The following CSMD1 variants were observed in gnomAD, a reference collection of about 807,000 sequenced individuals.
CSMD1 encodes the protein CUB and Sushi multiple domains 1.
Under a neutral mutation model 417.5 loss-of-function variants are expected in CSMD1, and 213 were observed. That is an observed-to-expected ratio of 0.51 (90% CI 0.46 to 0.57). The LOEUF (loss-of-function observed/expected upper bound fraction) is 0.57, where lower values mean the gene tolerates loss of function less well. Among genes scored for constraint, CSMD1 ranks in the 20% least tolerant of loss-of-function variants. The probability of loss-of-function intolerance (pLI) is 0.00; values close to 1 mark genes in which losing one functional copy is unlikely to be tolerated. For synonymous variants in CSMD1, 2,862 were observed against 1,736.8 expected (o/e 1.65, Z -16.11); for missense variants, 6,923 against 4,529.7 (o/e 1.53, Z -15.17).
At chr8:4,815,490 G>T (rs547137756) in intron 1 of CSMD1, among the ~76,000 whole-genome samples, 83 of 152,034 alleles carry the variant, frequency 5.5e-4, no homozygotes, top group African/African-American at 1.9e-3. Flanking sequence ...GAGGTCAGGA[G>T]ATCGAGACCA....
At chr8:4,241,999 T>C (rs1383295074) in intron 3 of CSMD1, among the ~76,000 whole-genome samples, 1 of 152,220 alleles carries the variant, frequency 6.6e-6, no homozygotes. Context: ...TTAAAGTAAA[T>C]GAGACCAATT....
intron 3 of CSMD1, among the ~76,000 whole-genome samples, chr8:4,150,819 G>T (rs549633083): frequency 6.6e-6 from 1 of 152,066 alleles, no homozygotes; most frequent in Non-Finnish European, 1.5e-5. Context: ...GTTGGGAGAA[G>T]ACAGGGAGGG....
chr8:3,312,150 C>T (rs1174569954), intron 23 of CSMD1, among the ~76,000 whole-genome samples: 3 of 152,140 alleles, frequency 2.0e-5, no homozygotes, highest in East Asian at 1.9e-4. Flanking sequence ...GTCTACTAAA[C>T]TTTACTTGGG....
At chr8:3,336,962 T>C (rs1249700297) in intron 23 of CSMD1, among the ~76,000 whole-genome samples, 1 of 152,176 alleles carries the variant, frequency 6.6e-6, no homozygotes, top group Non-Finnish European at 1.5e-5. Flanking sequence ...TCTAGGAGAC[T>C]GACCTTATGC....
chr8:4,308,430 A>C (rs1358454728), intron 3 of CSMD1, among the ~76,000 whole-genome samples: 1 of 151,952 alleles, frequency 6.6e-6, no homozygotes, highest in Non-Finnish European at 1.5e-5. Context: ...GGAAAGTCTG[A>C]TGATGGGAAA....
intron 5 of CSMD1, among the ~76,000 whole-genome samples, chr8:3,981,426 C>G (rs1459669167): frequency 2.7e-5 from 4 of 147,570 alleles, no homozygotes; most frequent in East Asian, 4.0e-4. Context: ...GCACCAGGAT[C>G]TCACAAATCA....
At chr8:4,675,222 T>C (rs1280996946) in intron 1 of CSMD1, among the ~76,000 whole-genome samples, 1 of 152,228 alleles carries the variant, frequency 6.6e-6, no homozygotes, top group Non-Finnish European at 1.5e-5. Flanking sequence ...CTTTTTCCAA[T>C]ACTTATACAC....
At chr8:4,396,147 A>G (rs1243690608) in intron 3 of CSMD1, among the ~76,000 whole-genome samples, 1 of 152,174 alleles carries the variant, frequency 6.6e-6, no homozygotes, top group African/African-American at 2.4e-5. Flanking sequence ...TGCTAAATAT[A>G]GAAGTAATTA....
chr8:3,386,900 T>C (rs779530800), intron 18 of CSMD1, among the ~76,000 whole-genome samples: 11 of 152,202 alleles, frequency 7.2e-5, no homozygotes, highest in Non-Finnish European at 1.0e-4. Context: ...ACACACAGCA[T>C]AGTATAACGT....
Position 3,199,708 on chromosome 8 carries a change from G to A in CSMD1, c.5194+6C>T, listed in dbSNP as rs187732904. ...GACATGTGGAGACATGTGGAGTGAC[G>A]CTTACCTTGATACACGAAGTGGAAG... On this transcript the variant is annotated splice_donor_region_variant and intron_variant, in intron 33 of 69. Transcript: ENST00000635120. 464 of 1,570,468 alleles carry A rather than the reference G, an allele frequency of 3.0e-4. 6 individuals carry two copies. Among genetic ancestry groups the A allele is most frequent in the South Asian group, 2.9e-3 (245 of 85,504 alleles).
At position 3,354,876 on chromosome 8, in the gene CSMD1, T is replaced by TATCTATAGATATCTATATCTATAGATCG. The variant is rs1563303904; in HGVS notation, c.3304+4275_3304+4276insCGATCTATAGATATAGATATCTATAGAT. Among the ~76,000 whole-genome samples, 395 of 143,446 alleles carry TATCTATAGATATCTATATCTATAGATCG rather than the reference T, an allele frequency of 2.8e-3. 9 individuals carry two copies. Among genetic ancestry groups the TATCTATAGATATCTATATCTATAGATCG allele is most frequent in the African/African-American group, 1.0e-2 (360 of 36,030 alleles). 94.1% of individuals were successfully genotyped at this position (143,446 alleles called of 152,430 possible). On this transcript the variant is annotated intron_variant, in intron 21 of 69. Coordinates refer to ENST00000635120, the MANE Select transcript of CSMD1 (RefSeq NM_033225.6). ...CTCTCCCTATATATAGATATACATA[T>TATCTATAGATATCTATATCTATAGATCG]ATCTATAGATATGTCTATCTATAGA...
At chr8:3,736,351 C>G (rs770666662) in intron 6 of CSMD1, among the ~76,000 whole-genome samples, 5 of 151,976 alleles carry the variant, frequency 3.3e-5, no homozygotes, top group Non-Finnish European at 7.4e-5. Flanking sequence ...AGGTGATTCT[C>G]CTACCTCAGC....
At chr8:3,591,738 A>T (rs1001562765) in intron 8 of CSMD1, among the ~76,000 whole-genome samples, 2 of 151,740 alleles carry the variant, frequency 1.3e-5, no homozygotes, top group Admixed American at 1.3e-4. Flanking sequence ...TGACAGATAC[A>T]CAGATAAACG....
intron 11 of CSMD1, among the ~76,000 whole-genome samples, chr8:3,478,584 C>T (rs896823711): frequency 2.0e-5 from 3 of 152,228 alleles, no homozygotes; most frequent in South Asian, 4.1e-4. Context: ...GACTTGTGGC[C>T]GATCACAAAC....
At chr8:3,551,790 G>C (rs571111764) in intron 10 of CSMD1, among the ~76,000 whole-genome samples, 1 of 152,062 alleles carries the variant, frequency 6.6e-6, no homozygotes, top group Non-Finnish European at 1.5e-5. Flanking sequence ...TCTGTAATGT[G>C]ATCATGCTGA....
intron 1 of CSMD1, among the ~76,000 whole-genome samples, chr8:4,907,191 C>A (rs1805341673): frequency 6.6e-6 from 1 of 152,132 alleles, no homozygotes; most frequent in African/African-American, 2.4e-5. Context: ...TCTATTTTTT[C>A]CACAACTTTT....
chr8:3,790,163 A>C (rs893005184), intron 5 of CSMD1, among the ~76,000 whole-genome samples: 1 of 152,266 alleles, frequency 6.6e-6, no homozygotes, highest in African/African-American at 2.4e-5. Flanking sequence ...GCCGTTTTAT[A>C]ATTTCAAATA....
At chr8:3,982,616 AG>A (rs749996495) in intron 5 of CSMD1, among the ~76,000 whole-genome samples, 4 of 107,396 alleles carry the variant, frequency 3.7e-5, no homozygotes, top group Non-Finnish European at 8.4e-5. Flanking sequence ...CTGCTGAGAG[AG>A]AAAAAAAAAA....
At chr8:3,542,943 G>GA (rs200990959) in intron 10 of CSMD1, among the ~76,000 whole-genome samples, 7,145 of 152,214 alleles carry the variant, frequency 0.047, 487 homozygotes, top group African/African-American at 0.15. Context: ...GAGACTTGGG[G>GA]GACCCGCTGG....
Sources: allele counts gnomAD v4.1 joint callset (sites outside exome capture counted in the v4.1 genomes callset), GRCh38; gene constraint gnomAD v4.1.1; transcripts MANE v1.5; gene names NCBI Gene and HGNC (gene_info 2026-07-23, HGNC 2026-07-21).